Variants in RBMS3 observed in about 807,000 individuals in gnomAD.
RBMS3 encodes RNA-binding motif, single-stranded-interacting protein 3.
In RBMS3, 27 loss-of-function variants were observed where a neutral mutation model predicts 66.8. The observed-to-expected ratio is 0.40, with a 90% CI of 0.30 to 0.56. RBMS3 has a LOEUF of 0.56. Among genes scored for constraint, RBMS3 ranks in the 20% least tolerant of loss-of-function variants. The pLI, the probability that RBMS3 is intolerant of heterozygous loss-of-function variation, is 0.40. For synonymous variants in RBMS3, 188 were observed against 183.0 expected (o/e 1.03, Z -0.22); for missense variants, 513 against 549.5 (o/e 0.93, Z 0.66).
intron 1 of RBMS3, among the ~76,000 whole-genome samples, chr3:29,301,254 TAG>T (rs755203626): frequency 6.6e-6 from 1 of 152,030 alleles, no homozygotes; most frequent in Admixed American, 6.6e-5. Flanking sequence ...GCTACAATTA[TAG>T]AGAGTGATAA....
chr3:29,699,700 T>A (rs2052458792), intron 4 of RBMS3, among the ~76,000 whole-genome samples: 2 of 152,206 alleles, frequency 1.3e-5, no homozygotes, highest in South Asian at 4.1e-4. Flanking sequence ...CATAGTATGG[T>A]AATATTATAA....
At chr3:29,807,625 A>G (rs560175841) in intron 6 of RBMS3, among the ~76,000 whole-genome samples, 3 of 151,932 alleles carry the variant, frequency 2.0e-5, no homozygotes, top group Non-Finnish European at 2.9e-5. Context: ...TGTACAATGC[A>G]GTACTACACA....
chr3:29,777,240 T>C (rs887980925), intron 6 of RBMS3, among the ~76,000 whole-genome samples: 5 of 151,908 alleles, frequency 3.3e-5, no homozygotes, highest in African/African-American at 4.8e-5. Context: ...ATACTGGGTG[T>C]CTATTTGTGA....
chr3:29,352,012 A>G (rs2036943852), intron 1 of RBMS3, among the ~76,000 whole-genome samples: 1 of 151,942 alleles, frequency 6.6e-6, no homozygotes, highest in South Asian at 2.1e-4. Context: ...ACCGATTTGA[A>G]ATTTGGTTGC....
chr3:29,744,960 A>G (rs2054819982), intron 5 of RBMS3, among the ~76,000 whole-genome samples: 1 of 152,158 alleles, frequency 6.6e-6, no homozygotes, highest in South Asian at 2.1e-4. Context: ...TAACCATCAT[A>G]TGTGGTCCTT....
intron 1 of RBMS3, among the ~76,000 whole-genome samples, chr3:29,343,331 C>T (rs77590261): frequency 0.033 from 5,018 of 151,818 alleles, 116 homozygotes; most frequent in Non-Finnish European, 0.051. Flanking sequence ...TTCTATTTAT[C>T]TAGTTGTACC....
chr3:29,864,436 A>T (rs1400558052), intron 6 of RBMS3, among the ~76,000 whole-genome samples: 1 of 152,238 alleles, frequency 6.6e-6, no homozygotes, highest in Non-Finnish European at 1.5e-5. Context: ...GACAAGCTAT[A>T]GCAAACAAGA....
At chr3:29,627,660 C>A (rs920434112) in intron 4 of RBMS3, among the ~76,000 whole-genome samples, 1 of 152,066 alleles carries the variant, frequency 6.6e-6, no homozygotes, top group South Asian at 2.1e-4. Flanking sequence ...AAGTGTTTGC[C>A]TTTTAATAAT....
At chr3:29,642,373 T>C (rs2049750215) in intron 4 of RBMS3, among the ~76,000 whole-genome samples, 1 of 152,104 alleles carries the variant, frequency 6.6e-6, no homozygotes, top group South Asian at 2.1e-4. Flanking sequence ...TCTATGTTTA[T>C]TTTTGAACAC....
intron 4 of RBMS3, among the ~76,000 whole-genome samples, chr3:29,622,230 T>A (rs72846014): frequency 0.017 from 2,649 of 152,298 alleles, 72 homozygotes; most frequent in African/African-American, 0.059. Context: ...AGGGCTTACA[T>A]CTGGGGAAGT....
At chr3:29,799,666 T>C (rs1302210534) in intron 6 of RBMS3, among the ~76,000 whole-genome samples, 1 of 152,210 alleles carries the variant, frequency 6.6e-6, no homozygotes, top group African/African-American at 2.4e-5. Flanking sequence ...CCCTGAATAA[T>C]TCATTTTAAT....
intron 2 of RBMS3, among the ~76,000 whole-genome samples, chr3:29,437,612 T>C (rs1299003883): frequency 1.3e-5 from 2 of 152,202 alleles, no homozygotes; most frequent in African/African-American, 2.4e-5. Context: ...TTGCTTAGAT[T>C]ATTTTTCCTA....
intron 6 of RBMS3, among the ~76,000 whole-genome samples, chr3:29,763,687 T>C (rs2055794770): frequency 1.3e-5 from 2 of 152,084 alleles, no homozygotes; most frequent in Admixed American, 1.3e-4. Flanking sequence ...TTGGATTTAT[T>C]ATGTGTATCA....
chr3:29,672,705 G>A (rs1431322009), intron 4 of RBMS3, among the ~76,000 whole-genome samples: 1 of 152,126 alleles, frequency 6.6e-6, no homozygotes, highest in Non-Finnish European at 1.5e-5. Context: ...ATTACATAAT[G>A]TAAAGGGATC....
At chr3:29,449,238 C>T (rs1050625611) in intron 2 of RBMS3, among the ~76,000 whole-genome samples, 13 of 152,080 alleles carry the variant, frequency 8.5e-5, no homozygotes, top group African/African-American at 2.9e-4. Context: ...TAGTACCTTG[C>T]GTAGCAGCTA....
chr3:29,449,934 T>A (rs2041960329), intron 2 of RBMS3, among the ~76,000 whole-genome samples: 1 of 152,204 alleles, frequency 6.6e-6, no homozygotes, highest in South Asian at 2.1e-4. Flanking sequence ...CTTCCTATTT[T>A]TACCACAGTA....
intron 7 of RBMS3, among the ~76,000 whole-genome samples, chr3:29,879,425 T>G (rs1446710533): frequency 6.6e-6 from 1 of 152,202 alleles, no homozygotes; most frequent in Non-Finnish European, 1.5e-5. Context: ...TTGTTAAAAT[T>G]GGCTGCAAGA....
At chr3:29,314,065 G>A (rs1444707835) in intron 1 of RBMS3, among the ~76,000 whole-genome samples, 1 of 151,034 alleles carries the variant, frequency 6.6e-6, no homozygotes, top group Non-Finnish European at 1.5e-5. Flanking sequence ...GGTGGTGGAG[G>A]TATAGGGGTG....
chr3:29,770,064 AG>A (rs1326307879), intron 6 of RBMS3, among the ~76,000 whole-genome samples: 2 of 151,916 alleles, frequency 1.3e-5, no homozygotes, highest in African/African-American at 4.8e-5. Context: ...GTTTCTTTAA[AG>A]AACTCATTCT....
Sources: gnomAD v4.1 joint callset for allele counts (sites outside exome capture counted in the v4.1 genomes callset) on GRCh38, gnomAD v4.1.1 for gene constraint, MANE v1.5 for transcripts, NCBI Gene and HGNC (gene_info 2026-07-23, HGNC 2026-07-21) for gene names.